Variants in L3MBTL4 observed in about 807,000 individuals in gnomAD.
L3MBTL4 encodes the protein lethal(3)malignant brain tumor-like protein 4.
In L3MBTL4, 70 loss-of-function variants were observed where a neutral mutation model predicts 84.5. That is an observed-to-expected ratio of 0.83 (90% CI 0.68 to 1.01). The LOEUF is 1.01. Among genes scored for constraint, L3MBTL4 ranks in the 50% least tolerant of loss-of-function variants. L3MBTL4 has a pLI of 0.00. For missense variants in L3MBTL4, 715 were observed against 754.8 expected (o/e 0.95, Z 0.62); for synonymous variants, 274 against 259.8 (o/e 1.05, Z -0.52).
At chr18:6,053,252 T>C (rs2056898005) in intron 16 of L3MBTL4, among the ~76,000 whole-genome samples, 1 of 152,206 alleles carries the variant, frequency 6.6e-6, no homozygotes, top group African/African-American at 2.4e-5. Flanking sequence ...AAGGGACTTA[T>C]TTTCAGAAAT....
At chr18:6,162,184 G>C (rs1290415645) in intron 13 of L3MBTL4, among the ~76,000 whole-genome samples, 1 of 151,700 alleles carries the variant, frequency 6.6e-6, no homozygotes, top group African/African-American at 2.4e-5. Flanking sequence ...GATATCTTTT[G>C]TAAAAATCCA....
intron 1 of L3MBTL4, among the ~76,000 whole-genome samples, chr18:6,383,680 C>T (rs1189984666): frequency 6.6e-6 from 1 of 152,176 alleles, no homozygotes; most frequent in Non-Finnish European, 1.5e-5. Context: ...CTGGGTACCT[C>T]AGTTGGAAAT....
intron 1 of L3MBTL4, among the ~76,000 whole-genome samples, chr18:6,322,199 T>A (rs1053529200): frequency 5.3e-5 from 8 of 150,408 alleles, no homozygotes; most frequent in African/African-American, 1.7e-4. Flanking sequence ...TATACAAATT[T>A]AAAAAAAAAT....
At chr18:6,116,793 A>G (rs991693054) in intron 14 of L3MBTL4, among the ~76,000 whole-genome samples, 6 of 152,250 alleles carry the variant, frequency 3.9e-5, no homozygotes, top group Non-Finnish European at 7.3e-5. Flanking sequence ...TAACATAATT[A>G]TAAAGCAAAT....
intron 12 of L3MBTL4, among the ~76,000 whole-genome samples, chr18:6,176,029 T>C (rs2044210967): frequency 6.6e-6 from 1 of 152,054 alleles, no homozygotes. Context: ...CTAGAAAACA[T>C]TCCTAAGAGA....
chr18:6,213,775 T>A (rs2046213514), intron 11 of L3MBTL4, among the ~76,000 whole-genome samples: 1 of 152,202 alleles, frequency 6.6e-6, no homozygotes, highest in African/African-American at 2.4e-5. Flanking sequence ...CACAAAAACC[T>A]GTGAGAGAAA....
intron 16 of L3MBTL4, among the ~76,000 whole-genome samples, chr18:6,079,224 C>T (rs547481759): frequency 9.2e-5 from 14 of 152,124 alleles, no homozygotes; most frequent in Non-Finnish European, 1.5e-4. Context: ...AGAAAGCAGG[C>T]GTTAACCACA....
At chr18:6,244,763 G>A (rs2047588646) in intron 5 of L3MBTL4, among the ~76,000 whole-genome samples, 175 bp from the exon 6 acceptor site, 1 of 152,088 alleles carries the variant, frequency 6.6e-6, no homozygotes. Flanking sequence ...CTGGTCAAAG[G>A]GTATAAAGTG....
intron 13 of L3MBTL4, among the ~76,000 whole-genome samples, chr18:6,161,002 C>G (rs1328877255): frequency 6.6e-6 from 1 of 152,078 alleles, no homozygotes; most frequent in Non-Finnish European, 1.5e-5. Flanking sequence ...AAAAGATTGC[C>G]AAAATATGAC....
At chr18:6,333,851 A>G (rs1004492691) in intron 1 of L3MBTL4, among the ~76,000 whole-genome samples, 4 of 152,332 alleles carry the variant, frequency 2.6e-5, no homozygotes, top group East Asian at 1.9e-4. Flanking sequence ...AAATATTAAT[A>G]TGCCAATAAG....
chr18:6,351,681 A>T (rs1488820964), intron 1 of L3MBTL4, among the ~76,000 whole-genome samples: 1 of 151,582 alleles, frequency 6.6e-6, no homozygotes, highest in Non-Finnish European at 1.5e-5. Flanking sequence ...CCTCCCGAGT[A>T]GCTGGGACCA....
In L3MBTL4 at chr18:6,286,825, T is replaced by C. The variant is rs191333178; in HGVS notation, c.127+15078A>G. Among the ~76,000 whole-genome samples, 406 of 152,274 alleles carry C rather than the reference T, an allele frequency of 2.7e-3. 1 individual carries two copies. Among genetic ancestry groups the C allele is most frequent in the African/African-American group, 9.4e-3 (392 of 41,562 alleles). On this transcript the variant is annotated intron_variant, in intron 4 of 18. Transcript: ENST00000317931. Reference sequence around the variant, plus strand: ...TAGGCTGAACTCCTGATTGTCGCTCTGTTTCATCTGGGAGTCGGCTGTGAA... The same window carrying C: ...TAGGCTGAACTCCTGATTGTCGCTCCGTTTCATCTGGGAGTCGGCTGTGAA...
intron 5 of L3MBTL4, chr18:6,260,009 C>G (rs2048326135): frequency 1.3e-5 from 2 of 152,158 alleles, no homozygotes; most frequent in Non-Finnish European, 1.5e-5. Flanking sequence ...CTGTATATGG[C>G]TAGCCAGCTA....
chr18:6,335,919 A>G (rs2052312124), intron 1 of L3MBTL4, among the ~76,000 whole-genome samples: 1 of 152,212 alleles, frequency 6.6e-6, no homozygotes, highest in African/African-American at 2.4e-5. Flanking sequence ...TAATATCTTT[A>G]TAGCAGTGTG....
chr18:6,115,981 C>A lies in L3MBTL4; in HGVS notation c.1199+22213G>T, dbSNP rs143124664. Among the ~76,000 whole-genome samples the A allele has an allele frequency of 3.7e-4, 57 of 152,166 alleles. 1 individual carries two copies. The South Asian group carries it at 8.1e-3, about 22-fold the overall frequency. ...TGCATGGGTTGGGCAGAGAGGAGGA[C>A]CAGAAAGAACCCTGAGCAACAGCAT... is the stretch of plus-strand genomic sequence containing the variant. On this transcript the variant is annotated intron_variant, in intron 14 of 18. Transcript: ENST00000317931.
At chr18:6,205,769 T>C (rs950618239) in intron 12 of L3MBTL4, among the ~76,000 whole-genome samples, 2 of 152,230 alleles carry the variant, frequency 1.3e-5, no homozygotes, top group African/African-American at 4.8e-5. Flanking sequence ...TGAAAGATAT[T>C]CTTCCAGTGG....
At chr18:6,363,038 T>A (rs548145431) in intron 1 of L3MBTL4, among the ~76,000 whole-genome samples, 1 of 152,176 alleles carries the variant, frequency 6.6e-6, no homozygotes, top group South Asian at 2.1e-4. Flanking sequence ...GGAGGGGCTG[T>A]TTTCTATGAA....
At chr18:6,313,348 G>C (rs940162593) in intron 1 of L3MBTL4, among the ~76,000 whole-genome samples, 3 of 152,210 alleles carry the variant, frequency 2.0e-5, no homozygotes, top group African/African-American at 7.2e-5. Context: ...TGTATGACTA[G>C]AGTGAGCACT....
intron 16 of L3MBTL4, among the ~76,000 whole-genome samples, chr18:5,986,345 T>C (rs1470788761): frequency 6.6e-6 from 1 of 152,178 alleles, no homozygotes; most frequent in Admixed American, 6.5e-5. Flanking sequence ...AGCTAGCAAA[T>C]GATATGAGGT....
Sources: allele counts gnomAD v4.1 joint callset (sites outside exome capture counted in the v4.1 genomes callset), GRCh38; gene constraint gnomAD v4.1.1; transcripts MANE v1.5; gene names NCBI Gene and HGNC (gene_info 2026-07-23, HGNC 2026-07-21).